NRF1: variants seen among roughly 807,000 people sequenced by gnomAD.
NRF1 encodes alpha palindromic-binding protein.
A neutral mutation model predicts 58.5 loss-of-function variants in NRF1; 5 were observed. That is an observed-to-expected ratio of 0.09 (90% CI 0.04 to 0.18). NRF1 has a LOEUF of 0.18. NRF1 is among the 10% of genes least tolerant of loss of function. The probability of loss-of-function intolerance (pLI) is 1.00; values close to 1 mark genes in which losing one functional copy is unlikely to be tolerated. For missense variants in NRF1, 288 were observed against 657.7 expected (o/e 0.44, Z 6.15); for synonymous variants, 224 against 246.7 (o/e 0.91, Z 0.86).
intron 4 of NRF1, among the ~76,000 whole-genome samples, chr7:129,682,069 GA>G (rs1464516845): frequency 4.7e-5 from 5 of 107,010 alleles, no homozygotes; most frequent in African/African-American, 1.4e-4. Flanking sequence ...GTGACAGAGT[GA>G]GACCCTGTCT....
intron 1 of NRF1, among the ~76,000 whole-genome samples, chr7:129,630,813 ATT>A (rs1224119025): frequency 6.6e-6 from 1 of 152,158 alleles, no homozygotes; most frequent in African/African-American, 2.4e-5. Context: ...TTGAAAGAGT[ATT>A]TTTATTTATT....
intron 8 of NRF1, among the ~76,000 whole-genome samples, chr7:129,715,037 T>G (rs887734929): frequency 3.9e-5 from 6 of 152,212 alleles, no homozygotes; most frequent in Non-Finnish European, 8.8e-5. Flanking sequence ...TTGCTTTTAC[T>G]GCCCCTGCTG....
At chr7:129,676,856 C>T (rs1344324507) in intron 3 of NRF1, among the ~76,000 whole-genome samples, 1 of 152,098 alleles carries the variant, frequency 6.6e-6, no homozygotes, top group Non-Finnish European at 1.5e-5. Context: ...ACTAGGTATG[C>T]TTGTAGTATT....
chr7:129,619,464 G>A (rs1217098974), intron 1 of NRF1, among the ~76,000 whole-genome samples: 1,468 of 19,236 alleles, frequency 0.076, 91 homozygotes, highest in African/African-American at 0.18. Context: ...ATACACGTGT[G>A]TGTGTGTGTG....
At chr7:129,619,433 T>TATATATATATATATAC (rs1554401492) in intron 1 of NRF1, among the ~76,000 whole-genome samples, 1 of 65,866 alleles carries the variant, frequency 1.5e-5, no homozygotes, top group African/African-American at 8.2e-5. Flanking sequence ...TATATATATA[T>TATATATATATATATAC]ACACACACAC....
intron 10 of NRF1, chr7:129,735,171 T>G (rs896919304): frequency 2.0e-6 from 2 of 985,384 alleles, no homozygotes; most frequent in Non-Finnish European, 2.4e-6. Context: ...CTGCCCTGGT[T>G]AAGACTAGGG....
intron 10 of NRF1, among the ~76,000 whole-genome samples, chr7:129,730,005 A>T (rs1316206893): frequency 6.6e-6 from 1 of 151,778 alleles, no homozygotes; most frequent in Non-Finnish European, 1.5e-5. Context: ...ACGCCCAGAT[A>T]ATTTTTGTGT....
At chr7:129,691,690 T>C (rs1287138132) in intron 5 of NRF1, among the ~76,000 whole-genome samples, 1 of 152,202 alleles carries the variant, frequency 6.6e-6, no homozygotes, top group Admixed American at 6.5e-5. Context: ...TCTATCTTGC[T>C]AAATCCACTT....
intron 10 of NRF1, among the ~76,000 whole-genome samples, chr7:129,742,547 G>T (rs988717980): frequency 1.3e-5 from 2 of 152,210 alleles, no homozygotes; most frequent in East Asian, 1.9e-4. Flanking sequence ...GAGGCCTGGT[G>T]GGGGAGGGGC....
chr7:129,684,065 T>G (rs1802389899), intron 4 of NRF1, among the ~76,000 whole-genome samples: 1 of 152,034 alleles, frequency 6.6e-6, no homozygotes. Flanking sequence ...TCAAAAAAAT[T>G]TATATGAGAA....
chr7:129,655,128 C>T (rs887631733), intron 1 of NRF1, among the ~76,000 whole-genome samples: 1 of 152,108 alleles, frequency 6.6e-6, no homozygotes, highest in Non-Finnish European at 1.5e-5. Context: ...TGATTATTTT[C>T]ATCAGAGTTT....
At chr7:129,670,226 A>G (rs527470097) in intron 2 of NRF1, among the ~76,000 whole-genome samples, 2 of 152,340 alleles carry the variant, frequency 1.3e-5, no homozygotes, top group African/African-American at 2.4e-5. Context: ...TGCAAGGGGA[A>G]TAAGTTCTGG....
intron 1 of NRF1, among the ~76,000 whole-genome samples, chr7:129,615,275 A>G (rs918057325): frequency 6.6e-6 from 1 of 152,180 alleles, no homozygotes; most frequent in East Asian, 1.9e-4. Context: ...ACACAGTGCC[A>G]CTGTGAAAAA....
chr7:129,672,021 C>T (rs976358093), intron 3 of NRF1, among the ~76,000 whole-genome samples: 2 of 151,956 alleles, frequency 1.3e-5, no homozygotes, highest in African/African-American at 4.8e-5. Context: ...AGCCTTTGAA[C>T]AGAGACTTGA....
At chr7:129,729,241 C>T (rs2116256894) in intron 10 of NRF1, among the ~76,000 whole-genome samples, 1 of 148,232 alleles carries the variant, frequency 6.7e-6, no homozygotes, top group Non-Finnish European at 1.5e-5. Flanking sequence ...TATAATAAGT[C>T]CAAGGACCCT....
At chr7:129,750,050 C>T (rs1395899195) in intron 10 of NRF1, among the ~76,000 whole-genome samples, 1 of 152,036 alleles carries the variant, frequency 6.6e-6, no homozygotes, top group Non-Finnish European at 1.5e-5. Flanking sequence ...CAGCAGAAGT[C>T]AAGTGACATG....
intron 1 of NRF1, among the ~76,000 whole-genome samples, chr7:129,625,839 A>G (rs56693450): frequency 0.012 from 1,812 of 151,858 alleles, 52 homozygotes; most frequent in African/African-American, 0.042. Context: ...CTGCCACCAC[A>G]CCTGGCTAAT....
intron 1 of NRF1, among the ~76,000 whole-genome samples, chr7:129,627,472 GT>G (rs1297258044): frequency 6.6e-6 from 1 of 152,046 alleles, no homozygotes; most frequent in African/African-American, 2.4e-5. Flanking sequence ...CCTCCAAAGT[GT>G]TGGGATTACA....
At chr7:129,691,037 T>C (rs1802555076) in intron 5 of NRF1, among the ~76,000 whole-genome samples, 2 of 152,094 alleles carry the variant, frequency 1.3e-5, no homozygotes, top group South Asian at 4.1e-4. Flanking sequence ...TTCCTCTTCC[T>C]TTTTAAAATT....
Sources: allele counts gnomAD v4.1 joint callset (sites outside exome capture counted in the v4.1 genomes callset), GRCh38; gene constraint gnomAD v4.1.1; transcripts MANE v1.5; gene names NCBI Gene and HGNC (gene_info 2026-07-23, HGNC 2026-07-21).